The following PTPRD variants were observed in gnomAD, a reference collection of about 807,000 sequenced individuals.
PTPRD encodes the protein receptor-type tyrosine-protein phosphatase delta.
PTPRD carries 34 observed loss-of-function variants against 214.5 expected under a neutral mutation model. The observed-to-expected ratio is 0.16, with a 90% CI of 0.12 to 0.21. The LOEUF is 0.21. PTPRD is among the 10% of genes least tolerant of loss of function. The pLI, the probability that PTPRD is intolerant of heterozygous loss-of-function variation, is 1.00. For synonymous variants in PTPRD, 1,128 were observed against 845.7 expected (o/e 1.33, Z -5.79); for missense variants, 2,545 against 2,398.7 (o/e 1.06, Z -1.27).
intron 9 of PTPRD, among the ~76,000 whole-genome samples, chr9:9,321,569 A>ACTCTGTTT (rs1966565331): frequency 6.6e-6 from 1 of 151,728 alleles, no homozygotes; most frequent in Non-Finnish European, 1.5e-5. Context: ...AAAAAAAAGG[A>ACTCTGTTT]CTCTGTTTTT....
rs556592575 is a variant in PTPRD, at chr9:8,459,941, A to G, written c.3875+470T>C. Among the ~76,000 whole-genome samples, 27 of 152,146 alleles carry G rather than the reference A, an allele frequency of 1.8e-4. 1 individual carries two copies. In the South Asian group the frequency reaches 5.6e-3, roughly 32 times the overall value. On this transcript the variant is annotated intron_variant, in intron 33 of 45. Transcript: ENST00000381196. ...CTTAATTTTTATCTGCTTTTGCTAAATTTTGAGAAATAGCTACAGGGAGCT... is the reference window on the plus strand; with the variant it reads ...CTTAATTTTTATCTGCTTTTGCTAAGTTTTGAGAAATAGCTACAGGGAGCT...
chr9:8,969,775 T>G (rs936233997), intron 11 of PTPRD, among the ~76,000 whole-genome samples: 2 of 152,112 alleles, frequency 1.3e-5, no homozygotes, highest in African/African-American at 4.8e-5. Flanking sequence ...CTCATACCTT[T>G]GCCCCTAGGG....
chr9:8,709,942 T>G (rs1387611913), intron 12 of PTPRD, among the ~76,000 whole-genome samples: 2 of 152,172 alleles, frequency 1.3e-5, no homozygotes, highest in East Asian at 3.9e-4. Flanking sequence ...ACAACCTAGG[T>G]ATGAATCACA....
At chr9:8,526,216 G>GA (rs2074070069) in intron 17 of PTPRD, among the ~76,000 whole-genome samples, 1 of 93,928 alleles carries the variant, frequency 1.1e-5, no homozygotes, top group African/African-American at 4.1e-5. Flanking sequence ...AGCTAAGGAA[G>GA]AAAAAAAATG....
intron 11 of PTPRD, among the ~76,000 whole-genome samples, chr9:8,951,163 G>C (rs2099100045): frequency 6.6e-6 from 1 of 151,720 alleles, no homozygotes; most frequent in Non-Finnish European, 1.5e-5. Flanking sequence ...GTGTGTAAGA[G>C]AGAGAGAGAG....
intron 9 of PTPRD, among the ~76,000 whole-genome samples, chr9:9,215,509 T>C (rs1370085111): frequency 6.6e-6 from 1 of 152,114 alleles, no homozygotes; most frequent in African/African-American, 2.4e-5. Context: ...CACTGCTCCA[T>C]GGGCTAAGCA....
intron 5 of PTPRD, among the ~76,000 whole-genome samples, chr9:9,856,636 AC>A (rs2061608138): frequency 7.2e-6 from 1 of 139,048 alleles, no homozygotes; most frequent in African/African-American, 2.5e-5. Flanking sequence ...AAGAAAATTT[AC>A]CAAAAAAAAA....
At chr9:9,296,152 T>C (rs1180480637) in intron 9 of PTPRD, among the ~76,000 whole-genome samples, 1 of 151,774 alleles carries the variant, frequency 6.6e-6, no homozygotes, top group Non-Finnish European at 1.5e-5. Context: ...GAATAAATTC[T>C]ATGATTAACA....
intron 3 of PTPRD, among the ~76,000 whole-genome samples, chr9:10,275,192 C>T (rs1009547639): frequency 2.0e-5 from 3 of 151,978 alleles, no homozygotes; most frequent in African/African-American, 7.3e-5. Context: ...TAGGTGGCAG[C>T]GAAGTATCTT....
intron 3 of PTPRD, among the ~76,000 whole-genome samples, chr9:10,130,995 C>G (rs1279163905): frequency 2.0e-5 from 3 of 152,172 alleles, no homozygotes; most frequent in African/African-American, 4.8e-5. Flanking sequence ...GCTCTATAAG[C>G]TACCATCAAA....
chr9:9,779,026 T>G (rs1035453712), intron 5 of PTPRD, among the ~76,000 whole-genome samples: 1 of 111,252 alleles, frequency 9.0e-6, no homozygotes, highest in Non-Finnish European at 1.7e-5. Flanking sequence ...TGAAACAGAA[T>G]AGAAAACTCA....
intron 2 of PTPRD, among the ~76,000 whole-genome samples, chr9:10,518,061 A>T (rs975971870): frequency 6.6e-6 from 1 of 152,200 alleles, no homozygotes; most frequent in African/African-American, 2.4e-5. Context: ...AAACTGTCAC[A>T]TGGGTGAATG....
chr9:9,287,326 A>G (rs900957695), intron 9 of PTPRD, among the ~76,000 whole-genome samples: 1 of 151,758 alleles, frequency 6.6e-6, no homozygotes, highest in Non-Finnish European at 1.5e-5. Flanking sequence ...TCTAACTACT[A>G]TTTCATCGTC....
chr9:8,653,224 A>C (rs1488820378), intron 12 of PTPRD, among the ~76,000 whole-genome samples: 2 of 152,162 alleles, frequency 1.3e-5, no homozygotes, highest in African/African-American at 4.8e-5. Context: ...TTAATAATTA[A>C]ATATCTATTA....
intron 2 of PTPRD, among the ~76,000 whole-genome samples, chr9:10,477,761 A>T (rs1282244753): frequency 6.6e-6 from 1 of 152,194 alleles, no homozygotes; most frequent in Non-Finnish European, 1.5e-5. Flanking sequence ...CTGGATAAAG[A>T]TAATGTGACA....
At chr9:9,746,668 A>G (rs2098461272) in intron 6 of PTPRD, among the ~76,000 whole-genome samples, 1 of 152,190 alleles carries the variant, frequency 6.6e-6, no homozygotes, top group Non-Finnish European at 1.5e-5. Context: ...GAAATAAGGC[A>G]TAGAAAAGAT....
chr9:8,934,684 G>A (rs1252852296), intron 11 of PTPRD, among the ~76,000 whole-genome samples: 1 of 149,424 alleles, frequency 6.7e-6, no homozygotes, highest in Non-Finnish European at 1.5e-5. Flanking sequence ...ATTAACTATA[G>A]TCGCCATGCT....
intron 5 of PTPRD, among the ~76,000 whole-genome samples, chr9:9,916,537 A>G (rs1002692353): frequency 6.6e-6 from 1 of 151,966 alleles, no homozygotes; most frequent in Non-Finnish European, 1.5e-5. Context: ...ATATATATAT[A>G]CATGTATGTA....
At chr9:9,136,562 T>G (rs1002494991) in intron 10 of PTPRD, among the ~76,000 whole-genome samples, 2 of 152,150 alleles carry the variant, frequency 1.3e-5, no homozygotes, top group Admixed American at 1.3e-4. Context: ...AGTGAAATGA[T>G]AATATGTGAA....
Sources: allele counts gnomAD v4.1 joint callset (sites outside exome capture counted in the v4.1 genomes callset), GRCh38; gene constraint gnomAD v4.1.1; transcripts MANE v1.5; gene names NCBI Gene and HGNC (gene_info 2026-07-23, HGNC 2026-07-21).